Variants in PRKAG2 observed in about 807,000 individuals in gnomAD.
The protein encoded by PRKAG2 is protein kinase AMP-activated non-catalytic subunit gamma 2, also known as 5'-AMP-activated protein kinase subunit gamma-2.
PRKAG2 carries 26 observed loss-of-function variants against 69.6 expected under a neutral mutation model. The observed-to-expected ratio is 0.37, with a 90% confidence interval of 0.27 to 0.52. The LOEUF is 0.52. PRKAG2 is among the 20% of genes least tolerant of loss of function. PRKAG2 has a pLI of 0.90. For missense variants in PRKAG2, 557 were observed against 740.0 expected (o/e 0.75, Z 2.87); for synonymous variants, 293 against 285.0 (o/e 1.03, Z -0.28).
intron 1 of PRKAG2, among the ~76,000 whole-genome samples, chr7:151,823,473 G>A (rs977633970): frequency 4.7e-5 from 7 of 150,112 alleles, no homozygotes; most frequent in African/African-American, 1.7e-4. Context: ...GTGGTCACAT[G>A]GGCCAGGCAC....
In PRKAG2 at chr7:151,632,110, G is replaced by T; in HGVS notation, c.713C>A (p.Ala238Glu). ...AAALAAALGP[A>E]EAGMLEKLEF... ...CAGCTTCTCCAGCATGCCGGCTTCCGCGGGTCCCAGGGCCGCCGCCAGCGC... is the reference window on the plus strand; with the variant it reads ...CAGCTTCTCCAGCATGCCGGCTTCCTCGGGTCCCAGGGCCGCCGCCAGCGC... Residue 238 changes from alanine (A) to glutamate (E), a missense_variant, in exon 5 of 16, where the codon GCG becomes GAG. Ala to Glu is a moderately radical substitution (Grantham distance 107). Coordinates refer to ENST00000287878, the MANE Select transcript of PRKAG2 (RefSeq NM_016203.4). The surrounding 1 kb of genome is among the most constrained non-coding windows in gnomAD (Gnocchi z 4.2). The T allele has an allele frequency of 7.1e-7, 1 of 1,414,432 alleles. No individual in the cohort carries two copies. Among genetic ancestry groups the T allele is most frequent in the Non-Finnish European group, 9.3e-7 (1 of 1,070,414 alleles). 87.6% of individuals were successfully genotyped at this position (1,414,432 alleles called of 1,614,324 possible). A position where few individuals can be genotyped will look rare whatever the true frequency, so the allele number is the denominator to read the frequency against.
intron 5 of PRKAG2, among the ~76,000 whole-genome samples, chr7:151,611,292 T>C (rs1162413863): frequency 2.6e-5 from 4 of 152,200 alleles, no homozygotes; most frequent in African/African-American, 9.7e-5. Context: ...CTGTATTCTA[T>C]ACCCATTATG....
chr7:151,727,146 C>T (rs1036190391), intron 3 of PRKAG2, among the ~76,000 whole-genome samples: 7 of 151,856 alleles, frequency 4.6e-5, no homozygotes, highest in Middle Eastern at 3.4e-3. Context: ...ACCCAGCAGG[C>T]GGAGGTTACA....
intron 1 of PRKAG2, among the ~76,000 whole-genome samples, chr7:151,793,012 G>T (rs1424282522): frequency 6.6e-6 from 1 of 152,226 alleles, no homozygotes; most frequent in Non-Finnish European, 1.5e-5. Context: ...CCGGACTTCA[G>T]TTTTTCATCT....
intron 4 of PRKAG2, among the ~76,000 whole-genome samples, chr7:151,657,042 CAGG>C (rs2151418467): frequency 6.6e-6 from 1 of 151,688 alleles, no homozygotes; most frequent in East Asian, 1.9e-4. Flanking sequence ...GAGGCTGAGA[CAGG>C]AGGATGGCTT....
rs942224066 is a variant in PRKAG2, at chr7:151,629,500, T to G, written c.754+2569A>C. On this transcript the variant is annotated intron_variant, in intron 5 of 15. Transcript: ENST00000287878. ...GGAGTGAGGCCATCAAACCCACCCG[T>G]ACCATGTCCCTCTTGTCGTGGTAAG... 2.0e-5 allele frequency among the ~76,000 whole-genome samples: 3 copies of G among 152,278 alleles called. No individual in the cohort carries two copies. In the East Asian group the frequency reaches 5.8e-4, roughly 29 times the overall value.
chr7:151,713,903 C>T (rs574756235), intron 3 of PRKAG2, among the ~76,000 whole-genome samples: 13 of 152,246 alleles, frequency 8.5e-5, no homozygotes, highest in Non-Finnish European at 1.3e-4. Flanking sequence ...GCTACCATGA[C>T]GTATGCATCA....
chr7:151,707,247 G>C (rs1239519405), intron 3 of PRKAG2, among the ~76,000 whole-genome samples: 1 of 152,204 alleles, frequency 6.6e-6, no homozygotes, highest in Non-Finnish European at 1.5e-5. Context: ...CTGGCAGCAG[G>C]AGAATGAACA....
chr7:151,862,686 C>G (rs964833009), intron 1 of PRKAG2, among the ~76,000 whole-genome samples: 4 of 152,242 alleles, frequency 2.6e-5, no homozygotes, highest in African/African-American at 9.6e-5. Flanking sequence ...AAAGAAAAAT[C>G]GTGAGATTTT....
At position 151,661,251 on chromosome 7, in the gene PRKAG2, T is replaced by C. The variant is rs555060845; in HGVS notation, c.684+14169A>G. ...CCCAGGCTGGAGTGCAGTGGTGCAA[T>C]CTTGGCTCACTGCAACTTCCGCCTC... On this transcript the variant is annotated intron_variant, in intron 4 of 15. Coordinates refer to ENST00000287878, the MANE Select transcript of PRKAG2 (RefSeq NM_016203.4). 9.8e-5 allele frequency among the ~76,000 whole-genome samples: 15 copies of C among 152,314 alleles called. No individual in the cohort carries two copies. In the East Asian group the frequency reaches 1.5e-3, roughly 16 times the overall value.
intron 11 of PRKAG2, among the ~76,000 whole-genome samples, 153 bp from the exon 12 acceptor site, chr7:151,566,038 C>A (rs960679476): frequency 6.6e-6 from 1 of 152,192 alleles, no homozygotes; most frequent in African/African-American, 2.4e-5. Context: ...GAGAAAATTA[C>A]AAAGGACTGT....
chr7:151,563,010 G>T (rs999879150), intron 14 of PRKAG2, among the ~76,000 whole-genome samples: 1 of 151,910 alleles, frequency 6.6e-6, no homozygotes, highest in Non-Finnish European at 1.5e-5. Context: ...AACTCTGAAG[G>T]CTAAGGGAAA....
At chr7:151,737,286 G>T (rs2151702080) in intron 3 of PRKAG2, among the ~76,000 whole-genome samples, 1 of 151,122 alleles carries the variant, frequency 6.6e-6, no homozygotes, top group South Asian at 2.1e-4. Flanking sequence ...TGGGAGGATG[G>T]CTTGAGCCTA....
At chr7:151,855,157 A>ACCC in intron 1 of PRKAG2, among the ~76,000 whole-genome samples, 1 of 31,096 alleles carries the variant, frequency 3.2e-5, no homozygotes, top group Non-Finnish European at 5.4e-5. Flanking sequence ...CACACACACC[A>ACCC]TCCTCCACAC....
intron 2 of PRKAG2, among the ~76,000 whole-genome samples, chr7:151,784,151 C>T (rs940763434): frequency 2.6e-5 from 4 of 152,068 alleles, no homozygotes; most frequent in African/African-American, 9.7e-5. Flanking sequence ...GTTCCCAGGG[C>T]TGAGACAATC....
chr7:151,875,997 G>A (rs938695467), intron 1 of PRKAG2, among the ~76,000 whole-genome samples: 1 of 151,418 alleles, frequency 6.6e-6, no homozygotes, highest in African/African-American at 2.4e-5. Flanking sequence ...TGGAGCGGAG[G>A]GGGTGCATTG....
intron 1 of PRKAG2, among the ~76,000 whole-genome samples, chr7:151,839,386 C>T (rs1297710723): frequency 6.6e-6 from 1 of 152,188 alleles, no homozygotes; most frequent in Admixed American, 6.5e-5. Context: ...CAGCCCCTGC[C>T]GTCCAGCCCT....
intron 5 of PRKAG2, among the ~76,000 whole-genome samples, chr7:151,608,813 G>A (rs1225488935): frequency 7.0e-6 from 1 of 142,300 alleles, no homozygotes; most frequent in Non-Finnish European, 1.5e-5. Flanking sequence ...TAAGATTAAA[G>A]GATTAGACAT....
chr7:151,736,035 AG>A (rs1247416066), intron 3 of PRKAG2: 2 of 1,535,796 alleles, frequency 1.3e-6, no homozygotes, highest in Non-Finnish European at 1.7e-6. Context: ...TGAACATATC[AG>A]GACCCACAGA....
Sources: allele counts gnomAD v4.1 joint callset (sites outside exome capture counted in the v4.1 genomes callset), GRCh38; gene constraint gnomAD v4.1.1; non-coding constraint Gnocchi (gnomAD v3.1); transcripts MANE v1.5; gene names NCBI Gene and HGNC (gene_info 2026-07-23, HGNC 2026-07-21).